MACF1: variants seen among roughly 807,000 people sequenced by gnomAD.
MACF1 encodes the protein microtubule actin crosslinking factor 1, also known as microtubule-actin cross-linking factor 1.
In MACF1, 193 loss-of-function variants were observed where a neutral mutation model predicts 854.8. The observed-to-expected ratio is 0.23, with a 90% CI of 0.20 to 0.25. MACF1 has a LOEUF of 0.25. Among genes scored for constraint, MACF1 ranks in the 10% least tolerant of loss-of-function variants. The probability of loss-of-function intolerance (pLI) is 1.00; values close to 1 mark genes in which losing one functional copy is unlikely to be tolerated. For synonymous variants in MACF1, 3,185 were observed against 3,226.7 expected, an observed-to-expected ratio of 0.99 and a Z score of 0.44; for missense variants, 7,722 against 8,929.1, an observed-to-expected ratio of 0.86 and a Z score of 5.45.
intron 1 of MACF1, among the ~76,000 whole-genome samples, chr1:39,227,651 A>T (rs2148298977): frequency 6.6e-6 from 1 of 152,220 alleles, no homozygotes; most frequent in East Asian, 1.9e-4. Context: ...GCTTCCCCTT[A>T]CCTATAGGAT....
chr1:39,482,809 AAAAAAAC>A (rs1422323653), intron 99 of MACF1, among the ~76,000 whole-genome samples: 8 of 148,210 alleles, frequency 5.4e-5, no homozygotes, highest in South Asian at 2.1e-4. Context: ...AAAAAAAAAA[AAAAAAAC>A]CCCACACAGA....
intron 71 of MACF1, among the ~76,000 whole-genome samples, chr1:39,438,501 G>A (rs1302764314): frequency 1.3e-5 from 2 of 152,190 alleles, no homozygotes; most frequent in Non-Finnish European, 2.9e-5. Context: ...ATAATAGGCC[G>A]GAGCCACCCG....
rs1431907668 is a variant in MACF1, at chr1:39,309,812, G to T, written c.2916+116G>T. 3.8e-5 allele frequency: 43 copies of T among 1,130,288 alleles called. No homozygotes were observed. In the East Asian group the frequency reaches 8.8e-4, roughly 23 times the overall value. 70.0% of individuals were successfully genotyped at this position (1,130,288 alleles called of 1,614,324 possible). A position where few individuals can be genotyped will look rare whatever the true frequency, so the allele number is the denominator to read the frequency against. On this transcript the variant is annotated intron_variant, in intron 24 of 100. Transcript: ENST00000564288. ...CCCAAATGGAGTAAAGTGGACTCAG[G>T]AATACCATTTTAGAGTTCGAGACCT...
intron 2 of MACF1, among the ~76,000 whole-genome samples, chr1:39,188,607 G>A (rs983528076): frequency 1.3e-5 from 2 of 152,150 alleles, no homozygotes; most frequent in Admixed American, 1.3e-4. Context: ...GGGCCTCATC[G>A]TTCATTGTCA....
intron 2 of MACF1, among the ~76,000 whole-genome samples, chr1:39,166,499 C>T (rs1242064398): frequency 6.6e-6 from 1 of 151,956 alleles, no homozygotes; most frequent in African/African-American, 2.4e-5. Context: ...TCTTATTGCC[C>T]AGGCTGGAGT....
chr1:39,121,241 GCCATATCTCCTTA>G (rs1164782591), intron 2 of MACF1, among the ~76,000 whole-genome samples: 1 of 152,134 alleles, frequency 6.6e-6, no homozygotes, highest in Non-Finnish European at 1.5e-5. Flanking sequence ...TCAAGCTAAC[GCCATATCTCCTTA>G]CCAGGTAAGT....
chr1:39,412,334 C>T, intron 58 of MACF1: 2 of 1,614,004 alleles, frequency 1.2e-6, no homozygotes, highest in Non-Finnish European at 1.7e-6. Flanking sequence ...GGGAATGTAA[C>T]TGTTAATCAA....
chr1:39,102,373 A>G (rs1214108263), intron 2 of MACF1, among the ~76,000 whole-genome samples: 1 of 149,584 alleles, frequency 6.7e-6, no homozygotes, highest in Non-Finnish European at 1.5e-5. Flanking sequence ...GAGACACTGT[A>G]CCATAACTTC....
chr1:39,154,671 A>C (rs1259978601), intron 2 of MACF1, among the ~76,000 whole-genome samples: 2 of 152,108 alleles, frequency 1.3e-5, no homozygotes, highest in African/African-American at 4.8e-5. Context: ...TTTCAGGAGC[A>C]GTATCCTGAA....
rs116215055 is a variant in MACF1 at position 39,404,903 on chromosome 1, T to C, written c.15816+16245T>C. On this transcript the variant is annotated intron_variant, in intron 58 of 100. Transcript: ENST00000564288. ...GTGATTCCCTCCATAAAGCCTTCTCTGATACCTCCTGCCTTCCTTCTTCCC... is the reference window on the plus strand; with the variant it reads ...GTGATTCCCTCCATAAAGCCTTCTCCGATACCTCCTGCCTTCCTTCTTCCC... 4.9e-3 allele frequency among the ~76,000 whole-genome samples: 747 copies of C among 152,346 alleles called. 6 individuals carry two copies. Among genetic ancestry groups the C allele is most frequent in the African/African-American group, 0.017 (719 of 41,562 alleles).
chr1:39,459,239 G>T lies in MACF1; in HGVS notation c.21350G>T (p.Arg7117Leu). The T allele has an allele frequency of 6.2e-7, 1 of 1,612,844 alleles. No individual in the cohort carries two copies. The highest frequency in any genetic ancestry group is 8.5e-7 in the Non-Finnish European group (1 of 1,179,430). ...RQRKLNDALD[R>L]LEELKEFANF... is the part of the protein sequence containing the mutation. ...AGGAAACTGAATGATGCCTTGGATC[G>T]GCTGGAGGAGGTAATGCCCTGCTGA... is the stretch of plus-strand genomic sequence containing the variant. The change falls in exon 91 of 101, where the codon CGG (arginine) becomes CTG (leucine). Residue 7117 changes from arginine (R) to leucine (L), a missense_variant. Around this residue, in one of 15 missense-constraint regions of MACF1, gnomAD observed 729 missense variants for 900.5 expected, o/e 0.81. Transcript: ENST00000564288.
At chr1:39,144,015 C>T (rs1643406920) in intron 2 of MACF1, among the ~76,000 whole-genome samples, 1 of 151,296 alleles carries the variant, frequency 6.6e-6, no homozygotes, top group Admixed American at 6.6e-5. Context: ...ATCTTGATCT[C>T]CTGACCTCGT....
At position 39,465,131 on chromosome 1, in the gene MACF1, T is replaced by A. The variant is rs548049899; in HGVS notation, c.21771+19T>A. 1 of 1,610,894 alleles carries A rather than the reference T, an allele frequency of 6.2e-7. No individual in the cohort carries two copies. Among genetic ancestry groups the A allele is most frequent in the Admixed American group, 1.7e-5 (1 of 60,016 alleles). Reference sequence around the variant, plus strand: ...CAATCAGGTACAGTGTGCCTTGCAATGTTCTCCTTCTCAATGGATATGGTC... The same window carrying A: ...CAATCAGGTACAGTGTGCCTTGCAAAGTTCTCCTTCTCAATGGATATGGTC... On this transcript the variant is annotated intron_variant, in intron 95 of 100. Coordinates refer to ENST00000564288, the MANE Select transcript of MACF1 (RefSeq NM_001394062.1).
chr1:39,183,606 T>C (rs1644131406), intron 2 of MACF1, among the ~76,000 whole-genome samples: 1 of 152,198 alleles, frequency 6.6e-6, no homozygotes, highest in South Asian at 2.1e-4. Context: ...GGAAGCGAAC[T>C]TTTAAGGTGA....
At position 39,436,965 on chromosome 1, in the gene MACF1, G is replaced by T. The variant is rs111765240; in HGVS notation, c.17989-812G>T. On this transcript the variant is annotated intron_variant, in intron 70 of 100. Transcript: ENST00000564288. ...TCTCTCTTATTGTTCCATAAGGTGGGTCGTTAAACTGCATGCCATGTTACT... is the reference window on the plus strand; with the variant it reads ...TCTCTCTTATTGTTCCATAAGGTGGTTCGTTAAACTGCATGCCATGTTACT... Among the ~76,000 whole-genome samples, 790 of 152,244 alleles carry T rather than the reference G, an allele frequency of 5.2e-3. 6 individuals are homozygous for T. Among genetic ancestry groups the T allele is most frequent in the African/African-American group, 0.018 (730 of 41,546 alleles).
At chr1:39,309,741 A>G in intron 24 of MACF1, 45 bp downstream of exon 24, 1 of 1,586,224 alleles carries the variant, frequency 6.3e-7, no homozygotes, top group Non-Finnish European at 8.6e-7. Context: ...CATTGGCAAG[A>G]TTTTTTCAGA....
At chr1:39,474,231 A>T (rs1644832021) in intron 97 of MACF1, among the ~76,000 whole-genome samples, 1 of 152,020 alleles carries the variant, frequency 6.6e-6, no homozygotes, top group South Asian at 2.1e-4. Context: ...TACTGAAAAT[A>T]TAAAAAAATT....
rs753708943 is a variant in MACF1 at position 39,084,207 on chromosome 1, C to T, written c.-12C>T. 8.1e-6 allele frequency: 13 copies of T among 1,611,382 alleles called. No homozygotes were observed. In the South Asian group the frequency reaches 1.2e-4, roughly 15 times the overall value. ...GCTCCCAGGCCCTCCTGCAGCAGCC[C>T]CCGCCTGGGCCATGTCTTCCTCAGA... On this transcript the variant is annotated 5_prime_UTR_variant, in exon 2 of 94. Coordinates refer to the MACF1 transcript ENST00000361689. This position sits in a 1 kb window ranked among gnomAD's most constrained non-coding sequence, Gnocchi z 5.2.
chr1:39,237,757 TA>T (rs1217795920), intron 2 of MACF1, among the ~76,000 whole-genome samples: 8 of 151,802 alleles, frequency 5.3e-5, no homozygotes, highest in African/African-American at 1.9e-4. Context: ...TAATTAAACG[TA>T]AGGTAAACTC....
Sources: gnomAD v4.1 joint callset for allele counts (sites outside exome capture counted in the v4.1 genomes callset) on GRCh38, gnomAD v4.1.1 for gene constraint, gnomAD v4.1.1 regional missense constraint, Gnocchi (gnomAD v3.1) non-coding constraint, MANE v1.5 for transcripts, NCBI Gene and HGNC (gene_info 2026-07-23, HGNC 2026-07-21) for gene names.